PPFIA1: variants seen among roughly 807,000 people sequenced by gnomAD.
PPFIA1 encodes liprin-alpha-1.
In PPFIA1, 25 loss-of-function variants were observed where a neutral mutation model predicts 149.9. The observed-to-expected ratio is 0.17, with a 90% CI of 0.12 to 0.23. PPFIA1 has a LOEUF of 0.23. Ranked by LOEUF, PPFIA1 falls within the 10% of genes least tolerant of loss-of-function variation. The pLI is 1.00. For missense variants in PPFIA1, 1,362 were observed against 1,506.5 expected, an observed-to-expected ratio of 0.90 and a Z score of 1.59; for synonymous variants, 549 against 552.8, an observed-to-expected ratio of 0.99 and a Z score of 0.10.
intron 17 of PPFIA1, 89 bp downstream of exon 17, chr11:70,354,541 C>G: frequency 4.3e-6 from 6 of 1,381,486 alleles, no homozygotes; most frequent in Non-Finnish European, 5.8e-6. Flanking sequence ...TTGAGTAAAA[C>G]AGTGATTTTG....
At chr11:70,315,923 A>G (rs573991779) in intron 2 of PPFIA1, among the ~76,000 whole-genome samples, 2 of 151,670 alleles carry the variant, frequency 1.3e-5, no homozygotes, top group African/African-American at 4.8e-5. Context: ...TCTATTTTCT[A>G]TCTCTATGAG....
At chr11:70,281,771 CTT>C (rs1163437569) in intron 2 of PPFIA1, among the ~76,000 whole-genome samples, 1 of 152,172 alleles carries the variant, frequency 6.6e-6, no homozygotes, top group Non-Finnish European at 1.5e-5. Context: ...GTGGGCCTCT[CTT>C]TGGTTTGGAA....
chr11:70,368,515 G>A (rs894588853), intron 21 of PPFIA1, among the ~76,000 whole-genome samples: 1 of 152,078 alleles, frequency 6.6e-6, no homozygotes, highest in Non-Finnish European at 1.5e-5. Context: ...CAGGTACCTC[G>A]GGTACCTTCC....
At chr11:70,279,830 C>T (rs1465935531) in intron 2 of PPFIA1, among the ~76,000 whole-genome samples, 3 of 149,384 alleles carry the variant, frequency 2.0e-5, no homozygotes, top group Admixed American at 1.3e-4. Context: ...CTCAAGCAGT[C>T]TTCCTGCCTT....
intron 2 of PPFIA1, among the ~76,000 whole-genome samples, chr11:70,313,050 G>A (rs1027207263): frequency 2.0e-5 from 3 of 152,184 alleles, no homozygotes; most frequent in South Asian, 2.1e-4. Flanking sequence ...GGGAACAACC[G>A]TGGTGTGGAG....
intron 21 of PPFIA1, among the ~76,000 whole-genome samples, chr11:70,370,032 A>G (rs561632149): frequency 2.3e-4 from 34 of 149,076 alleles, no homozygotes; most frequent in African/African-American, 8.4e-4. Flanking sequence ...AGCTCACTGC[A>G]CCTCCGCCTC....
chr11:70,334,818 G>A (rs1462298273), intron 10 of PPFIA1, among the ~76,000 whole-genome samples: 1 of 152,218 alleles, frequency 6.6e-6, no homozygotes, highest in African/African-American at 2.4e-5. Flanking sequence ...ATTGCCTCCT[G>A]CCTGGGAGGA....
At chr11:70,345,607 G>A (rs1210895324) in intron 15 of PPFIA1, among the ~76,000 whole-genome samples, 2 of 151,970 alleles carry the variant, frequency 1.3e-5, no homozygotes, top group East Asian at 3.9e-4. Context: ...TAGGAATTGA[G>A]CCAGGGCTGT....
Position 70,354,554 on chromosome 11 carries a change from G to A in PPFIA1, c.2315+102G>A. 3 of 1,267,732 alleles carry A rather than the reference G, an allele frequency of 2.4e-6. No homozygotes were observed. The South Asian group carries it at 4.7e-5, about 20-fold the overall frequency. 78.5% of individuals were successfully genotyped at this position (1,267,732 alleles called of 1,614,324 possible). On this transcript the variant is annotated intron_variant, in intron 17 of 27. Coordinates refer to ENST00000253925, the MANE Select transcript of PPFIA1 (RefSeq NM_003626.5). ...CCTTGAGTAAAACAGTGATTTTGTAGAATTACCCATTAATTCAGTTGAGTG... is the reference window on the plus strand; with the variant it reads ...CCTTGAGTAAAACAGTGATTTTGTAAAATTACCCATTAATTCAGTTGAGTG...
In PPFIA1 at chr11:70,356,178, G is replaced by A. The variant is rs2056352415; in HGVS notation, c.2506G>A (p.Asp836Asn). The stretch of plus-strand genomic sequence containing the variant: ...CCTCACAGCTGGTGTTTCCGAGACG[G>A]ATAACTCATCTCAGGATGCCTTGGG... ...ALGQAGVSET[D>N]NSSQDALGLS... The change falls in exon 19 of 28, where the codon GAT (aspartate) becomes AAT (asparagine). Residue 836 changes from aspartate (D) to asparagine (N), a missense_variant. Physicochemically the swap from Asp to Asn is conservative, Grantham distance 23 (BLOSUM62 1). Transcript: ENST00000253925. 1 of 1,613,988 alleles carries A rather than the reference G, an allele frequency of 6.2e-7. No individual in the cohort carries two copies. The highest frequency in any genetic ancestry group is 1.3e-5 in the African/African-American group (1 of 75,002).
chr11:70,337,376 A>T lies in PPFIA1; in HGVS notation c.1440A>T (p.Leu480Phe). 1 of 1,594,968 alleles carries T rather than the reference A, an allele frequency of 6.3e-7. No individual in the cohort carries two copies. The highest frequency in any genetic ancestry group is 8.6e-7 in the Non-Finnish European group (1 of 1,168,566). ...MAALEDKNSL[L>F]REVESAKKQL... ...CTGTCTTTTTTCAGAACTCTCTTTT[A>T]AGAGAAGTTGAAAGTGCAAAAAAGC... Residue 480 changes from leucine (L) to phenylalanine (F), a missense_variant, in exon 12 of 28, where the codon TTA becomes TTT. Around this residue, in one of 7 missense-constraint regions of PPFIA1, gnomAD observed 733 missense variants for 744.1 expected, o/e 0.99. Transcript: ENST00000253925.
intron 21 of PPFIA1, chr11:70,365,683 G>T (rs866630831): frequency 2.8e-6 from 1 of 353,360 alleles, no homozygotes. Context: ...CTTTTGGAGA[G>T]ATCTCAGTTG....
intron 17 of PPFIA1, 27 bp downstream of exon 17, chr11:70,354,479 A>G: frequency 6.3e-7 from 1 of 1,578,636 alleles, no homozygotes; most frequent in Non-Finnish European, 8.6e-7. Context: ...AGCCCCATGC[A>G]GAGCGCACCT....
intron 2 of PPFIA1, among the ~76,000 whole-genome samples, chr11:70,274,057 A>G (rs1426793479): frequency 6.6e-6 from 1 of 152,194 alleles, no homozygotes. Flanking sequence ...TGCCTAGTTC[A>G]GTGGATAACA....
In PPFIA1 at chr11:70,316,170, C is replaced by T. The variant is rs200899718; in HGVS notation, c.265-8232C>T. Among the ~76,000 whole-genome samples the T allele has an allele frequency of 1.3e-3, 192 of 152,250 alleles. 1 individual carries two copies. The highest frequency in any genetic ancestry group is 0.01 in the East Asian group (54 of 5,182). ...CACTGCAGCCTCTGCCTCCCAGGTT[C>T]AAGTGATTCTCATGCCTCAGCCTCC... On this transcript the variant is annotated intron_variant, in intron 2 of 27. Coordinates refer to ENST00000253925, the MANE Select transcript of PPFIA1 (RefSeq NM_003626.5).
At chr11:70,345,808 CAG>C (rs1461505398) in intron 15 of PPFIA1, 1 of 214,760 alleles carries the variant, frequency 4.7e-6, no homozygotes, top group Non-Finnish European at 9.8e-6. Flanking sequence ...GCCAGGATGA[CAG>C]AGTGAGATCT....
At chr11:70,309,689 A>G (rs367901680) in intron 2 of PPFIA1, among the ~76,000 whole-genome samples, 4 of 152,196 alleles carry the variant, frequency 2.6e-5, no homozygotes, top group East Asian at 3.8e-4. Flanking sequence ...TGGAGCTACC[A>G]TATGCTACAA....
At chr11:70,333,168 C>A in intron 9 of PPFIA1, 1 of 513,798 alleles carries the variant, frequency 1.9e-6, no homozygotes, top group South Asian at 1.5e-5. Flanking sequence ...TAACCAGAAG[C>A]AGTCCAAGGA....
intron 10 of PPFIA1, chr11:70,334,361 C>G (rs1000064902): frequency 6.6e-6 from 1 of 152,118 alleles, no homozygotes; most frequent in African/African-American, 2.4e-5. Flanking sequence ...CACCAGAAAT[C>G]TGTATTCTTG....
Sources: allele counts gnomAD v4.1 joint callset (sites outside exome capture counted in the v4.1 genomes callset), GRCh38; gene constraint gnomAD v4.1.1; regional missense constraint gnomAD v4.1.1; transcripts MANE v1.5; gene names NCBI Gene and HGNC (gene_info 2026-07-23, HGNC 2026-07-21).